Variants in PLEKHG4B observed in about 807,000 individuals in gnomAD.
PLEKHG4B encodes the protein pleckstrin homology and RhoGEF domain containing G4B.
PLEKHG4B carries 111 observed loss-of-function variants against 121.3 expected under a neutral mutation model. The observed-to-expected ratio is 0.92, with a 90% CI of 0.78 to 1.07. The LOEUF (loss-of-function observed/expected upper bound fraction) is 1.07, where lower values mean the gene tolerates loss of function less well. Ranked by LOEUF, PLEKHG4B falls within the 50% of genes least tolerant of loss-of-function variation. The pLI, the probability that PLEKHG4B is intolerant of heterozygous loss-of-function variation, is 0.00. For missense variants in PLEKHG4B, 1,831 were observed against 1,757.8 expected (o/e 1.04, Z -0.74); for synonymous variants, 738 against 725.0 (o/e 1.02, Z -0.29).
At chr5:131,258 C>A (rs1734769704) in intron 2 of PLEKHG4B, among the ~76,000 whole-genome samples, 1 of 152,098 alleles carries the variant, frequency 6.6e-6, no homozygotes, top group South Asian at 2.1e-4. Flanking sequence ...TATCCCTCCC[C>A]TAGAACCCCA....
At chr5:147,832 AATC>A (rs1453322128) in intron 6 of PLEKHG4B, among the ~76,000 whole-genome samples, 4 of 152,230 alleles carry the variant, frequency 2.6e-5, no homozygotes, top group Admixed American at 1.3e-4. Flanking sequence ...TTGATGCCAA[AATC>A]ATCAACAAAA....
At chr5:153,806 C>A (rs1735677498) in intron 7 of PLEKHG4B, among the ~76,000 whole-genome samples, 2 of 152,156 alleles carry the variant, frequency 1.3e-5, no homozygotes, top group South Asian at 4.2e-4. Flanking sequence ...CCCACCTCAG[C>A]CTCCTCAGTA....
At position 139,596 on chromosome 5, in the gene PLEKHG4B, C is replaced by A. The variant is rs1735088409; in HGVS notation, c.357C>A (p.Phe119Leu). The A allele has an allele frequency of 2.5e-6, 1 of 398,830 alleles. No homozygotes were observed. The highest frequency in any genetic ancestry group is 2.1e-5 in the African/African-American group (1 of 48,646). The allele number at this position is 398,830 out of a possible 1,614,324, so 24.7% of individuals were successfully genotyped here. A position where few individuals can be genotyped will look rare whatever the true frequency, so the allele number is the denominator to read the frequency against. Residue 119 changes from phenylalanine to leucine, a missense_variant, in exon 3 of 20, where the codon TTC becomes TTA. Phe to Leu is a conservative substitution (Grantham distance 22). Coordinates refer to ENST00000637938, the MANE Select transcript of PLEKHG4B (RefSeq NM_052909.5). This position sits in a 1 kb window ranked among gnomAD's most constrained non-coding sequence, Gnocchi z 5.0. ...GAGTCAGGCTCCAGCCCGGGGACTT[C>A]TACCTGCAGGTCACGTCGGCGGGGA... Reference protein sequence around the residue: ...LHGVRLQPGDFYLQVTSAGKQ... With the variant: ...LHGVRLQPGDLYLQVTSAGKQ...
rs531314703 is a variant in PLEKHG4B, at chr5:106,970, A to T, written c.46-6281A>T. ...CCACATGTGGAGACTCATATGCAGG[A>T]TGCAGTTCTTATCCGATTCTTTTCC... On this transcript the variant is annotated intron_variant, in intron 1 of 19. Coordinates refer to ENST00000637938, the MANE Select transcript of PLEKHG4B (RefSeq NM_052909.5). Among the ~76,000 whole-genome samples the T allele has an allele frequency of 2.6e-5, 4 of 152,334 alleles. No individual in the cohort carries two copies. In the South Asian group the frequency reaches 8.3e-4, roughly 32 times the overall value.
chr5:139,202 G>C lies in PLEKHG4B; in HGVS notation c.244-281G>C, dbSNP rs1735073906. On this transcript the variant is annotated intron_variant, in intron 2 of 19. Coordinates refer to ENST00000637938, the MANE Select transcript of PLEKHG4B (RefSeq NM_052909.5). The surrounding 1 kb of genome is among the most constrained non-coding windows in gnomAD (Gnocchi z 5.0). ...CTGGTGGGCTGTGGCTGTGGCCCTC[G>C]AGTGGCCTCCTCTCCCCTGTCCTGC... Among the ~76,000 whole-genome samples, 1 of 152,190 alleles carries C rather than the reference G, an allele frequency of 6.6e-6. No homozygotes were observed. Among genetic ancestry groups the C allele is most frequent in the Non-Finnish European group, 1.5e-5 (1 of 68,028 alleles).
In PLEKHG4B at chr5:163,031, C is replaced by T. The variant is rs770461767; in HGVS notation, c.2959C>T (p.His987Tyr). 7.7e-6 allele frequency: 12 copies of T among 1,560,680 alleles called. No homozygotes were observed. Among genetic ancestry groups the T allele is most frequent in the African/African-American group, 4.1e-5 (3 of 73,488 alleles). The change falls in exon 13 of 20, where the codon CAC (histidine) becomes TAC (tyrosine). Residue 987 changes from histidine (H) to tyrosine (Y), a missense_variant. Transcript: ENST00000637938. ...HERAQEAMRRHQKPPSFPSTD... is the reference protein window; with the variant it reads ...HERAQEAMRRYQKPPSFPSTD... ...GCGTGCCCAGGAGGCCATGAGGAGGCACCAGAAGCCACCCTCATTCCCCAG... is the reference window on the plus strand; with the variant it reads ...GCGTGCCCAGGAGGCCATGAGGAGGTACCAGAAGCCACCCTCATTCCCCAG...
At chr5:168,504 C>T (rs1181048522) in intron 13 of PLEKHG4B, among the ~76,000 whole-genome samples, 5 of 152,198 alleles carry the variant, frequency 3.3e-5, no homozygotes. Context: ...GATCCAAAAG[C>T]CGTTTTCTCA....
chr5:164,664 ACACTAATACTCTGACAGGGGGCG>A, intron 13 of PLEKHG4B, among the ~76,000 whole-genome samples: 3 of 117,344 alleles, frequency 2.6e-5, no homozygotes, highest in East Asian at 2.5e-4. Flanking sequence ...GGCGGAGCTC[ACACTAATACTCTGACAGGGGGCG>A]GAGCTCACAC....
intron 2 of PLEKHG4B, among the ~76,000 whole-genome samples, chr5:126,501 A>G (rs1273949034): frequency 1.3e-5 from 2 of 152,156 alleles, no homozygotes; most frequent in Non-Finnish European, 2.9e-5. Flanking sequence ...TAGTAGGTCT[A>G]CTATCAAGTC....
At chr5:169,951 C>T (rs1364005711) in intron 14 of PLEKHG4B, among the ~76,000 whole-genome samples, 1 of 152,186 alleles carries the variant, frequency 6.6e-6, no homozygotes, top group Non-Finnish European at 1.5e-5. Context: ...AGAGGCCAGG[C>T]CTCACCTCTT....
intron 13 of PLEKHG4B, among the ~76,000 whole-genome samples, chr5:164,385 C>T (rs974651910): frequency 3.9e-5 from 6 of 152,276 alleles, no homozygotes; most frequent in Admixed American, 1.3e-4. Context: ...TGACAGGAGG[C>T]GGAGCTCACA....
At position 113,763 on chromosome 5, in the gene PLEKHG4B, C is replaced by T. The variant is rs1734225523; in HGVS notation, c.243+315C>T. On this transcript the variant is annotated intron_variant, in intron 2 of 19. Coordinates refer to ENST00000637938, the MANE Select transcript of PLEKHG4B (RefSeq NM_052909.5). The surrounding 1 kb of genome is among the most constrained non-coding windows in gnomAD (Gnocchi z 5.2). ...CTCAGAACTAAGTTACTACAGCAGT[C>T]ACAATGCCGGCCCACCTGGAAGGGA... is the stretch of plus-strand genomic sequence containing the variant. Among the ~76,000 whole-genome samples, 1 of 152,208 alleles carries T rather than the reference C, an allele frequency of 6.6e-6. No homozygotes were observed. Among genetic ancestry groups the T allele is most frequent in the Admixed American group, 6.5e-5 (1 of 15,290 alleles).
intron 11 of PLEKHG4B, among the ~76,000 whole-genome samples, chr5:158,206 C>T (rs1356163557): frequency 6.7e-6 from 1 of 150,110 alleles, no homozygotes; most frequent in Non-Finnish European, 1.5e-5. Flanking sequence ...CCTCCCCCTG[C>T]CCATCCTGGG....
In PLEKHG4B at chr5:174,272, A is replaced by C. The variant is rs1413226472; in HGVS notation, c.4402+174A>C. 4.6e-5 allele frequency among the ~76,000 whole-genome samples: 3 copies of C among 64,618 alleles called. No homozygotes were observed. In the Admixed American group the frequency reaches 5.5e-4, roughly 12 times the overall value. 42.4% of individuals were successfully genotyped at this position (64,618 alleles called of 152,430 possible). A position where few individuals can be genotyped will look rare whatever the true frequency, so the allele number is the denominator to read the frequency against. ...CGGGGACTGAGTCCAGGGGCTGGGG[A>C]ATGGGGGCTGGGGCTGGGGTGGGGG... On this transcript the variant is annotated intron_variant, in intron 18 of 19. Coordinates refer to ENST00000637938, the MANE Select transcript of PLEKHG4B (RefSeq NM_052909.5).
chr5:138,998 T>G (rs1735064452), intron 2 of PLEKHG4B, among the ~76,000 whole-genome samples: 1 of 152,164 alleles, frequency 6.6e-6, no homozygotes, highest in African/African-American at 2.4e-5. Context: ...CCCGCACCCC[T>G]CGCTAAGGAG....
At chr5:124,890 T>A (rs1028100300) in intron 2 of PLEKHG4B, among the ~76,000 whole-genome samples, 2 of 152,138 alleles carry the variant, frequency 1.3e-5, no homozygotes, top group African/African-American at 2.4e-5. Context: ...TCCCAGCAGT[T>A]TGGGAGGCCA....
rs371920681 is a variant in PLEKHG4B, at chr5:163,089, C to T, written c.3017C>T (p.Ala1006Val). Residue 1006 changes from alanine (A) to valine (V), a missense_variant, in exon 13 of 20, where the codon GCG (alanine) becomes GTG (valine). By Grantham distance (64) the Ala-to-Val change is moderately conservative. Transcript: ENST00000637938. ...AGTGGGGGTGGTGCCTGGGAACCTG[C>T]GCAACCACTGTCCGGCCTCCCTGGA... is the stretch of plus-strand genomic sequence containing the variant. ...TDSGGGAWEP[A>V]QPLSGLPGRA... The T allele has an allele frequency of 1.9e-5, 29 of 1,564,758 alleles. No individual in the cohort carries two copies. The highest frequency in any genetic ancestry group is 1.1e-4 in the South Asian group (9 of 85,536).
intron 7 of PLEKHG4B, among the ~76,000 whole-genome samples, chr5:151,939 T>C (rs1024527301): frequency 2.0e-5 from 3 of 152,214 alleles, no homozygotes; most frequent in African/African-American, 7.2e-5. Flanking sequence ...GTTCTCCTTT[T>C]CCCCTCAGCA....
intron 6 of PLEKHG4B, among the ~76,000 whole-genome samples, chr5:148,397 A>G (rs76148604): frequency 6.6e-6 from 1 of 152,166 alleles, no homozygotes; most frequent in African/African-American, 2.4e-5. Context: ...AGCAGGATGC[A>G]AAGTCAACAC....
Sources: allele counts gnomAD v4.1 joint callset (sites outside exome capture counted in the v4.1 genomes callset), GRCh38; gene constraint gnomAD v4.1.1; non-coding constraint Gnocchi (gnomAD v3.1); transcripts MANE v1.5; gene names NCBI Gene and HGNC (gene_info 2026-07-23, HGNC 2026-07-21).